The following THSD7B variants were observed in gnomAD, a reference collection of about 807,000 sequenced individuals.
The protein encoded by THSD7B is thrombospondin type-1 domain-containing protein 7B.
THSD7B carries 138 observed loss-of-function variants against 213.6 expected under a neutral mutation model. The observed-to-expected ratio is 0.65, with a 90% CI of 0.56 to 0.74. The LOEUF (loss-of-function observed/expected upper bound fraction) is 0.74, where lower values mean the gene tolerates loss of function less well. Among genes scored for constraint, THSD7B ranks in the 30% least tolerant of loss-of-function variants. THSD7B has a pLI of 0.00. For synonymous variants in THSD7B, 742 were observed against 687.0 expected (o/e 1.08, Z -1.25); for missense variants, 1,931 against 1,991.5 (o/e 0.97, Z 0.58).
chr2:137,503,354 G>A (rs1448910), intron 15 of THSD7B, among the ~76,000 whole-genome samples: 140,641 of 152,194 alleles, frequency 0.92, 65,659 homozygotes, highest in East Asian at 1. Context: ...TCTAGTTGCC[G>A]CCACTGTTGC....
chr2:136,934,118 ATATCT>A (rs1360855494), intron 2 of THSD7B, among the ~76,000 whole-genome samples: 1 of 152,186 alleles, frequency 6.6e-6, no homozygotes, highest in Non-Finnish European at 1.5e-5. Context: ...AGAAAAATCA[ATATCT>A]TATTAGTTTC....
chr2:137,451,377 A>G (rs1384390456), intron 15 of THSD7B, among the ~76,000 whole-genome samples: 1 of 151,556 alleles, frequency 6.6e-6, no homozygotes, highest in East Asian at 1.9e-4. Flanking sequence ...AATATAAGTA[A>G]TAATGTTGGG....
chr2:137,652,619 C>T (rs1683161933), intron 21 of THSD7B, among the ~76,000 whole-genome samples: 1 of 152,044 alleles, frequency 6.6e-6, no homozygotes, highest in Non-Finnish European at 1.5e-5. Flanking sequence ...TGTTTTGTAA[C>T]TCCTCTTTTA....
At chr2:137,481,492 A>C (rs570446037) in intron 15 of THSD7B, among the ~76,000 whole-genome samples, 1 of 152,336 alleles carries the variant, frequency 6.6e-6, no homozygotes, top group South Asian at 2.1e-4. Context: ...ATGTTAAATA[A>C]AAAGTAACCC....
intron 1 of THSD7B, among the ~76,000 whole-genome samples, chr2:136,868,821 T>C (rs1466147812): frequency 1.3e-5 from 2 of 152,136 alleles, no homozygotes; most frequent in Admixed American, 1.3e-4. Flanking sequence ...AAAGAGGTTA[T>C]CACATTCTTT....
chr2:137,342,221 T>C (rs1684778173), intron 12 of THSD7B, among the ~76,000 whole-genome samples: 1 of 151,548 alleles, frequency 6.6e-6, no homozygotes, highest in Non-Finnish European at 1.5e-5. Context: ...TTTCACCTTC[T>C]TGGTTAAACT....
At chr2:137,365,486 T>A (rs997540178) in intron 12 of THSD7B, among the ~76,000 whole-genome samples, 10 of 152,188 alleles carry the variant, frequency 6.6e-5, no homozygotes, top group Non-Finnish European at 1.5e-4. Flanking sequence ...TTTCACAATC[T>A]ACCCATCTGA....
At chr2:136,949,411 A>T (rs1472387251) in intron 2 of THSD7B, among the ~76,000 whole-genome samples, 1 of 152,222 alleles carries the variant, frequency 6.6e-6, no homozygotes, top group African/African-American at 2.4e-5. Flanking sequence ...AAAACTCCAG[A>T]TGAAATGCAT....
chr2:137,084,796 A>C (rs1190066466), intron 3 of THSD7B, among the ~76,000 whole-genome samples: 2 of 152,218 alleles, frequency 1.3e-5, no homozygotes, highest in Non-Finnish European at 2.9e-5. Context: ...AAAAGAAAAT[A>C]AACACTTATT....
At chr2:137,666,623 TC>T (rs1490171674) in intron 26 of THSD7B, among the ~76,000 whole-genome samples, 1 of 150,346 alleles carries the variant, frequency 6.7e-6, no homozygotes, top group Non-Finnish European at 1.5e-5. Context: ...GTATAATGAA[TC>T]TCTGTGTGTG....
chr2:137,656,768 C>T, intron 22 of THSD7B, 28 bp from the exon 23 acceptor site: 1 of 1,587,632 alleles, frequency 6.3e-7, no homozygotes, highest in East Asian at 2.3e-5. Context: ...ATGCTGTTTT[C>T]TCCACCCTGT....
intron 14 of THSD7B, among the ~76,000 whole-genome samples, chr2:137,442,167 G>A (rs1161259796): frequency 6.6e-6 from 1 of 151,962 alleles, no homozygotes; most frequent in African/African-American, 2.4e-5. Context: ...CATATTGTGA[G>A]TCCTTTTTTA....
chr2:136,963,301 G>A (rs1685256887), intron 2 of THSD7B, among the ~76,000 whole-genome samples: 1 of 152,012 alleles, frequency 6.6e-6, no homozygotes, highest in African/African-American at 2.4e-5. Context: ...CCTTGGAAAG[G>A]CTCATTTTTT....
At chr2:136,905,252 A>C (rs1159880940) in intron 2 of THSD7B, among the ~76,000 whole-genome samples, 4 of 152,170 alleles carry the variant, frequency 2.6e-5, no homozygotes, top group Non-Finnish European at 5.9e-5. Flanking sequence ...GTTGGCTGTC[A>C]GGCATTTATG....
In THSD7B at chr2:137,120,441, G is replaced by A. The variant is rs547134204; in HGVS notation, c.1369+5148G>A. Among the ~76,000 whole-genome samples the A allele has an allele frequency of 5.2e-4, 79 of 151,658 alleles. 1 individual carries two copies. Among genetic ancestry groups the A allele is most frequent in the African/African-American group, 1.9e-3 (77 of 41,318 alleles). ...GGAAGTGGAGGAAGAAAAAGAAGGG[G>A]AAGGAGGAGGAAAGATGAAGGAGGA... On this transcript the variant is annotated intron_variant, in intron 5 of 27. Transcript: ENST00000409968.
Position 137,669,369 on chromosome 2 carries a change from T to C in THSD7B, c.4739+1508T>C, listed in dbSNP as rs1683516036. On this transcript the variant is annotated intron_variant, in intron 27 of 27. Transcript: ENST00000409968. ...TGAATCCCTAGAAATTAGATTTCTATCCAACTAACATTTCCCTGTTGTTGT... is the reference window on the plus strand; with the variant it reads ...TGAATCCCTAGAAATTAGATTTCTACCCAACTAACATTTCCCTGTTGTTGT... 2.0e-5 allele frequency among the ~76,000 whole-genome samples: 3 copies of C among 150,678 alleles called. No homozygotes were observed. In the Admixed American group the frequency reaches 2.0e-4, roughly 10 times the overall value.
At chr2:137,187,792 G>A (rs1472389908) in intron 7 of THSD7B, among the ~76,000 whole-genome samples, 1 of 151,980 alleles carries the variant, frequency 6.6e-6, no homozygotes, top group Admixed American at 6.6e-5. Context: ...TATTTCCTTT[G>A]CTGTATATAG....
intron 1 of THSD7B, among the ~76,000 whole-genome samples, chr2:136,779,921 A>G (rs1169154315): frequency 2.9e-4 from 44 of 152,328 alleles, no homozygotes; most frequent in Non-Finnish European, 2.9e-5. Context: ...TACCATGGAC[A>G]GAACTTGTGG....
intron 10 of THSD7B, 47 bp downstream of exon 10, chr2:137,242,619 T>G: frequency 7.0e-7 from 1 of 1,427,992 alleles, no homozygotes; most frequent in South Asian, 1.2e-5. Context: ...AACCTGATTG[T>G]TTCTCCACAT....
Sources: allele counts gnomAD v4.1 joint callset (sites outside exome capture counted in the v4.1 genomes callset), GRCh38; gene constraint gnomAD v4.1.1; transcripts MANE v1.5; gene names NCBI Gene and HGNC (gene_info 2026-07-23, HGNC 2026-07-21).